SH2B1: variants seen among roughly 807,000 people sequenced by gnomAD.
SH2B1 encodes SH2B adapter protein 1.
In SH2B1, 15 loss-of-function variants were observed where a neutral mutation model predicts 62.6. The observed-to-expected ratio is 0.24, with a 90% CI of 0.16 to 0.37. The LOEUF is 0.37. Ranked by LOEUF, SH2B1 falls within the 10% of genes least tolerant of loss-of-function variation. The pLI is 1.00. For synonymous variants in SH2B1, 443 were observed against 438.0 expected (o/e 1.01, Z -0.14); for missense variants, 925 against 1,015.6 (o/e 0.91, Z 1.21).
Position 28,865,535 on chromosome 16 carries a change from G to A in SH2B1, c.-560G>A. ...GCCCTGGGGACAGGGACTATGAAGTGGGGAAAACAGTAGACTTGGAGTTCT... is the reference window on the plus strand; with the variant it reads ...GCCCTGGGGACAGGGACTATGAAGTAGGGAAAACAGTAGACTTGGAGTTCT... On this transcript the variant is annotated 5_prime_UTR_variant, in exon 1 of 8. The change creates a premature stop within an existing upstream ORF in the 5' untranslated region. Coordinates refer to ENST00000684370, the MANE Select transcript of SH2B1 (RefSeq NM_001387430.1). The A allele has an allele frequency of 1.0e-6, 1 of 985,608 alleles. No individual in the cohort carries two copies. The highest frequency in any genetic ancestry group is 1.2e-6 in the Non-Finnish European group (1 of 830,012). 61.1% of individuals were successfully genotyped at this position (985,608 alleles called of 1,614,324 possible).
Position 28,863,914 on chromosome 16 carries a change from C to T in SH2B1, c.-2181C>T, listed in dbSNP as rs1406438872. 5 of 1,422,678 alleles carry T rather than the reference C, an allele frequency of 3.5e-6. No individual in the cohort carries two copies. In the East Asian group the frequency reaches 1.0e-4, roughly 29 times the overall value. 88.1% of individuals were successfully genotyped at this position (1,422,678 alleles called of 1,614,324 possible). ...CGGGAGCCGCCGCCGCCGCCGCCGCCGCCGGAGCTAACCTCGGGGACCGAG... is the reference window on the plus strand; with the variant it reads ...CGGGAGCCGCCGCCGCCGCCGCCGCTGCCGGAGCTAACCTCGGGGACCGAG... On this transcript the variant is annotated 5_prime_UTR_variant, in exon 1 of 8. Transcript: ENST00000684370.
At position 28,872,584 on chromosome 16, in the gene SH2B1, G is replaced by T. The variant is rs750610428; in HGVS notation, c.1776G>T (p.Leu592=). ...NEEGQCRVQH[L]WFQSIFDMLE... The stretch of plus-strand genomic sequence containing the variant: ...AGGGTCAGTGCCGGGTCCAGCACCT[G>T]TGGTTCCAGTCCATTTTCGATATGC... Residue 592 remains leucine (L), a synonymous_variant, in exon 7 of 8, where the codon CTG becomes CTT. Coordinates refer to ENST00000684370, the MANE Select transcript of SH2B1 (RefSeq NM_001387430.1). The surrounding 1 kb of genome is among the most constrained non-coding windows in gnomAD (Gnocchi z 5.3). The T allele has an allele frequency of 6.2e-6, 10 of 1,614,072 alleles. No individual in the cohort carries two copies. Among genetic ancestry groups the T allele is most frequent in the Non-Finnish European group, 7.6e-6 (9 of 1,180,018 alleles).
chr16:28,860,146 A>G (rs1470242671), upstream of SH2B1, among the ~76,000 whole-genome samples: 5 of 151,342 alleles, frequency 3.3e-5, no homozygotes, highest in African/African-American at 1.2e-4. Flanking sequence ...AAACAAGCAA[A>G]CCTTTCTACC....
chr16:28,863,822 G>A, upstream of SH2B1: 5 of 1,534,646 alleles, frequency 3.3e-6, no homozygotes, highest in Non-Finnish European at 3.5e-6. Flanking sequence ...CGACGGGAAA[G>A]GGGGTCCTGA....
At position 28,871,792 on chromosome 16, in the gene SH2B1, G is replaced by A; in HGVS notation, c.1322G>A (p.Gly441Asp). The stretch of plus-strand genomic sequence containing the variant: ...TTTTTTTTTCCAGGGGCATATGGGG[G>A]CCTCTCAGACCGCCCCTCGGCATCC... ...NDRLSQGAYGGLSDRPSASIS... is the reference protein window; with the variant it reads ...NDRLSQGAYGDLSDRPSASIS... The change falls in exon 5 of 8, where the codon GGC becomes GAC. Residue 441 changes from glycine to aspartate, a missense_variant. This residue lies in a region of SH2B1 where 683 missense variants were observed against 704.0 expected (regional missense o/e 0.97). Transcript: ENST00000684370. 6.2e-7 allele frequency: 1 copy of A among 1,613,878 alleles called. No individual in the cohort carries two copies. The highest frequency in any genetic ancestry group is 8.5e-7 in the Non-Finnish European group (1 of 1,179,862).
intron 1 of SH2B1, among the ~76,000 whole-genome samples, chr16:28,855,758 G>A (rs1414850927): frequency 6.7e-6 from 1 of 148,624 alleles, no homozygotes; most frequent in Non-Finnish European, 1.5e-5. Context: ...TCCTGCCTCC[G>A]CCTCCGGAGT....
rs559846124 is a variant in SH2B1, at chr16:28,874,057, G to T, written c.*237G>T. On this transcript the variant is annotated 3_prime_UTR_variant, in exon 8 of 8. Coordinates refer to ENST00000684370, the MANE Select transcript of SH2B1 (RefSeq NM_001387430.1). ...GCTCCTTGAGGGGCTCTTCTGGTCA[G>T]CCCCACCCTGGGGGCCATTTCCCCA... 1.5e-4 allele frequency: 59 copies of T among 392,160 alleles called. No individual in the cohort carries two copies. The highest frequency in any genetic ancestry group is 1.2e-3 in the African/African-American group (57 of 48,622). 24.3% of individuals were successfully genotyped at this position (392,160 alleles called of 1,614,324 possible). A position where few individuals can be genotyped will look rare whatever the true frequency, so the allele number is the denominator to read the frequency against.
intron 1 of SH2B1, among the ~76,000 whole-genome samples, chr16:28,858,115 C>T (rs1962363831): frequency 6.6e-6 from 1 of 152,154 alleles, no homozygotes; most frequent in Non-Finnish European, 1.5e-5. Flanking sequence ...GGGGGTTGGG[C>T]TGGCTCAAAA....
chr16:28,860,188 C>T (rs944465645), upstream of SH2B1, among the ~76,000 whole-genome samples: 2 of 152,042 alleles, frequency 1.3e-5, 1 homozygote, highest in South Asian at 4.1e-4. Flanking sequence ...TTATCTCTGT[C>T]CTCCCCTTTT....
At chr16:28,853,114 TTA>T (rs1402607322) in intron 1 of SH2B1, among the ~76,000 whole-genome samples, 28 of 125,020 alleles carry the variant, frequency 2.2e-4, no homozygotes, top group African/African-American at 5.3e-4. Flanking sequence ...ATATATACAT[TTA>T]TATATATTTA....
intron 1 of SH2B1, among the ~76,000 whole-genome samples, chr16:28,849,689 G>A (rs1016927232): frequency 1.3e-5 from 2 of 152,162 alleles, no homozygotes. Flanking sequence ...CACTTTGGGA[G>A]GTCGAGGCAG....
Position 28,874,085 on chromosome 16 carries a change from A to C in SH2B1, c.*265A>C. The C allele has an allele frequency of 2.7e-6, 1 of 369,634 alleles. No individual in the cohort carries two copies. The allele number at this position is 369,634 out of a possible 1,614,324, so 22.9% of individuals were successfully genotyped here. A position where few individuals can be genotyped will look rare whatever the true frequency, so the allele number is the denominator to read the frequency against. On this transcript the variant is annotated 3_prime_UTR_variant, in exon 8 of 8. Transcript: ENST00000684370. ...CCACCCTGGGGGCCATTTCCCCATT[A>C]ACTACCCCCAGCCCGAGGCAGGGTG...
upstream of SH2B1, chr16:28,863,510 G>C (rs1962521636): frequency 1.6e-6 from 1 of 625,292 alleles, no homozygotes; most frequent in Admixed American, 3.1e-5. Context: ...GGTTTCCGGT[G>C]CTCGGCGGCT....
intron 4 of SH2B1, among the ~76,000 whole-genome samples, chr16:28,870,994 C>CGTGTGTGTGTGTGT (rs35079060): frequency 2.8e-5 from 4 of 141,542 alleles, no homozygotes; most frequent in African/African-American, 5.2e-5. Flanking sequence ...GCCAGAATTC[C>CGTGTGTGTGTGTGT]GTGTGTGTGT....
At position 28,866,028 on chromosome 16, in the gene SH2B1, C is replaced by T. The variant is rs1962664749; in HGVS notation, c.-67C>T. 5 of 1,503,262 alleles carry T rather than the reference C, an allele frequency of 3.3e-6. No homozygotes were observed. Among genetic ancestry groups the T allele is most frequent in the Admixed American group, 2.2e-5 (1 of 44,946 alleles). The allele number at this position is 1,503,262 out of a possible 1,614,324, so 93.1% of individuals were successfully genotyped here. On this transcript the variant is annotated 5_prime_UTR_variant, in exon 1 of 8. Coordinates refer to ENST00000684370, the MANE Select transcript of SH2B1 (RefSeq NM_001387430.1). The surrounding 1 kb of genome is among the most constrained non-coding windows in gnomAD (Gnocchi z 6.3). ...CTTTCGCAGCTGCTGCCGCCCACCCCTCGTCTTCTGGCTGCCTCCCTCTTT... is the reference window on the plus strand; with the variant it reads ...CTTTCGCAGCTGCTGCCGCCCACCCTTCGTCTTCTGGCTGCCTCCCTCTTT...
chr16:28,852,785 C>CAT (rs1211653870), intron 1 of SH2B1, among the ~76,000 whole-genome samples: 2 of 41,666 alleles, frequency 4.8e-5, no homozygotes, highest in Admixed American at 4.8e-4. Flanking sequence ...TATATATTTA[C>CAT]ATATATATTT....
At position 28,866,612 on chromosome 16, in the gene SH2B1, G is replaced by A. The variant is rs1306585861; in HGVS notation, c.518G>A (p.Arg173Gln). 3 of 1,613,876 alleles carry A rather than the reference G, an allele frequency of 1.9e-6. No homozygotes were observed. The highest frequency in any genetic ancestry group is 2.7e-5 in the African/African-American group (2 of 75,018). ...TCAGTCCGTGGCATCCTGCAGTGGC[G>A]GGGGACCGTTGACCCTCCCTCCTCC... ...RGSVRGILQW[R>Q]GTVDPPSSAG... The change falls in exon 1 of 8, where the codon CGG (arginine) becomes CAG (glutamine). Residue 173 changes from arginine to glutamine, a missense_variant. Physicochemically the swap from Arg to Gln is conservative, Grantham distance 43 (BLOSUM62 1). This residue lies in a region of SH2B1 where 683 missense variants were observed against 704.0 expected (regional missense o/e 0.97). Coordinates refer to ENST00000684370, the MANE Select transcript of SH2B1 (RefSeq NM_001387430.1). The surrounding 1 kb of genome is among the most constrained non-coding windows in gnomAD (Gnocchi z 6.3).
rs1013315499 is a variant in SH2B1 at position 28,864,245 on chromosome 16, T to C, written c.-1850T>C. 3.0e-6 allele frequency: 3 copies of C among 1,015,586 alleles called. No individual in the cohort carries two copies. The highest frequency in any genetic ancestry group is 2.4e-6 in the Non-Finnish European group (2 of 848,250). 62.9% of individuals were successfully genotyped at this position (1,015,586 alleles called of 1,614,324 possible). On this transcript the variant is annotated 5_prime_UTR_variant, in exon 1 of 8. Transcript: ENST00000684370. Reference sequence around the variant, plus strand: ...TCCACCTCCCGCCCTTCGGGAAATATCAGAACTGAGCCAGGAGGCAGGTGC... The same window carrying C: ...TCCACCTCCCGCCCTTCGGGAAATACCAGAACTGAGCCAGGAGGCAGGTGC...
At chr16:28,858,244 G>A (rs1012405319) in intron 1 of SH2B1, among the ~76,000 whole-genome samples, 3 of 152,062 alleles carry the variant, frequency 2.0e-5, no homozygotes, top group African/African-American at 7.2e-5. Context: ...TGGGCACAGT[G>A]GCTCACGCCT....
Sources: allele counts gnomAD v4.1 joint callset (sites outside exome capture counted in the v4.1 genomes callset), GRCh38; gene constraint gnomAD v4.1.1; regional missense constraint gnomAD v4.1.1; non-coding constraint Gnocchi (gnomAD v3.1); transcripts MANE v1.5; gene names NCBI Gene and HGNC (gene_info 2026-07-23, HGNC 2026-07-21).